PPP2R2B: variants seen among roughly 807,000 people sequenced by gnomAD.
PPP2R2B encodes serine/threonine-protein phosphatase 2A 55 kDa regulatory subunit B beta isoform.
Under a neutral mutation model 46.0 loss-of-function variants are expected in PPP2R2B, and 5 were observed. The ratio of observed to expected loss-of-function variants is 0.11; its 90% CI spans 0.06 to 0.23. The LOEUF (loss-of-function observed/expected upper bound fraction) is 0.23. PPP2R2B is among the 10% of genes least tolerant of loss of function. The pLI is 1.00. For synonymous variants in PPP2R2B, 215 were observed against 206.7 expected (o/e 1.04, Z -0.34); for missense variants, 367 against 575.0 (o/e 0.64, Z 3.70).
chr5:146,677,452 T>G (rs1216304146), intron 5 of PPP2R2B, among the ~76,000 whole-genome samples: 1 of 152,110 alleles, frequency 6.6e-6, no homozygotes, highest in East Asian at 1.9e-4. Context: ...TGTTTGCGGT[T>G]CAGGATTGCT....
intron 7 of PPP2R2B, among the ~76,000 whole-genome samples, chr5:146,635,030 A>C (rs193217829): frequency 9.8e-5 from 15 of 152,290 alleles, no homozygotes; most frequent in Non-Finnish European, 1.9e-4. Flanking sequence ...CAGGGTGAAT[A>C]ATTGTGATAA....
intron 2 of PPP2R2B, among the ~76,000 whole-genome samples, chr5:146,702,206 T>C (rs1779582667): frequency 6.6e-6 from 1 of 152,130 alleles, no homozygotes. Flanking sequence ...TGATCTCAAA[T>C]CTTACTTTTA....
rs145075065 is a variant in PPP2R2B, at chr5:146,635,815, T to C, written c.790+2436A>G. ...CACATTTATTAAATATTTCCTGACC[T>C]CTGCTTATGTGTCAGGGGTTCATAT... is the stretch of plus-strand genomic sequence containing the variant. On this transcript the variant is annotated intron_variant, in intron 7 of 9. Transcript: ENST00000394411. 7.2e-5 allele frequency among the ~76,000 whole-genome samples: 11 copies of C among 152,334 alleles called. No homozygotes were observed. In the East Asian group the frequency reaches 2.1e-3, roughly 29 times the overall value.
chr5:146,982,232 G>A (rs1489229308), intron 1 of PPP2R2B, among the ~76,000 whole-genome samples: 1 of 151,864 alleles, frequency 6.6e-6, no homozygotes, highest in Non-Finnish European at 1.5e-5. Flanking sequence ...TTCATTTGTT[G>A]CCAGGTCCCA....
chr5:146,690,175 T>A (rs987599506), intron 5 of PPP2R2B, among the ~76,000 whole-genome samples: 1 of 152,180 alleles, frequency 6.6e-6, no homozygotes, highest in Non-Finnish European at 1.5e-5. Context: ...TTTTACACAG[T>A]TTTACAAGGC....
intron 5 of PPP2R2B, among the ~76,000 whole-genome samples, chr5:146,667,993 A>G (rs757617755): frequency 1.3e-5 from 2 of 152,152 alleles, no homozygotes; most frequent in African/African-American, 2.4e-5. Flanking sequence ...TGGACATCCC[A>G]TATTCGTAAT....
At chr5:146,970,586 G>A (rs1417498933) in intron 1 of PPP2R2B, among the ~76,000 whole-genome samples, 1 of 151,732 alleles carries the variant, frequency 6.6e-6, no homozygotes, top group Non-Finnish European at 1.5e-5. Context: ...GGACAGAGGA[G>A]ACTCAGTCTC....
chr5:146,640,381 A>G (rs776482829), intron 6 of PPP2R2B, among the ~76,000 whole-genome samples: 1 of 152,206 alleles, frequency 6.6e-6, no homozygotes, highest in Non-Finnish European at 1.5e-5. Flanking sequence ...TATAAATATG[A>G]TTGCAGTTAG....
chr5:146,926,454 C>T (rs1196780698), intron 1 of PPP2R2B, among the ~76,000 whole-genome samples: 1 of 151,868 alleles, frequency 6.6e-6, no homozygotes, highest in Non-Finnish European at 1.5e-5. Context: ...TGCAGTGGTG[C>T]AATGTCAGCT....
intron 6 of PPP2R2B, among the ~76,000 whole-genome samples, chr5:146,646,693 G>C (rs891912911): frequency 1.3e-5 from 2 of 152,174 alleles, no homozygotes; most frequent in Non-Finnish European, 2.9e-5. Flanking sequence ...GTCTAGAATT[G>C]AAAAGACAAT....
intron 1 of PPP2R2B, among the ~76,000 whole-genome samples, chr5:147,005,404 A>G (rs1321648390): frequency 1.3e-5 from 2 of 152,204 alleles, no homozygotes; most frequent in Non-Finnish European, 2.9e-5. Flanking sequence ...AGGGAAAAAG[A>G]ATAAATGTGT....
At chr5:146,598,125 G>GC (rs1215250170) in intron 8 of PPP2R2B, among the ~76,000 whole-genome samples, 2 of 152,150 alleles carry the variant, frequency 1.3e-5, no homozygotes, top group Non-Finnish European at 2.9e-5. Flanking sequence ...CCCATCTTCA[G>GC]TTTCTTGAAC....
chr5:146,901,907 C>T (rs996568812), intron 1 of PPP2R2B, among the ~76,000 whole-genome samples: 4 of 151,926 alleles, frequency 2.6e-5, no homozygotes, highest in African/African-American at 9.7e-5. Flanking sequence ...GAAACTGTGC[C>T]AAAGTAAGTG....
chr5:146,981,897 C>T (rs568288944), intron 1 of PPP2R2B, among the ~76,000 whole-genome samples: 82 of 152,284 alleles, frequency 5.4e-4, no homozygotes, highest in Non-Finnish European at 1.1e-3. Flanking sequence ...TGACTCATAA[C>T]CTCTGTAGCA....
rs141366875 is a variant in PPP2R2B at position 146,638,785 on chromosome 5, G to A, written c.626-370C>T. 3.7e-3 allele frequency among the ~76,000 whole-genome samples: 561 copies of A among 152,224 alleles called. 4 individuals are homozygous for A. The highest frequency in any genetic ancestry group is 0.016 in the South Asian group (79 of 4,816). On this transcript the variant is annotated intron_variant, in intron 6 of 9. Coordinates refer to ENST00000394411, the MANE Select transcript of PPP2R2B (RefSeq NM_181675.4). ...ATTTTATAATAATGATTAAGGTACT[G>A]GTCCTATTATAACCAAATAATTCAT...
intron 2 of PPP2R2B, among the ~76,000 whole-genome samples, chr5:146,721,012 C>A (rs77579066): frequency 1.3e-5 from 2 of 152,156 alleles, no homozygotes; most frequent in African/African-American, 4.8e-5. Context: ...TTTAGAGAAA[C>A]AGATAATTTA....
At position 147,027,294 on chromosome 5, in the gene PPP2R2B, T is replaced by TAA. The variant is rs752125646; in HGVS notation, c.79+28370_79+28371insTT. ...AAATGTACTAAATACCACTGCATTG[T>TAA]TCATCTGAAAATGGTTAATTTTATG... On this transcript the variant is annotated intron_variant, in intron 1 of 8. Transcript: ENST00000336640. Among the ~76,000 whole-genome samples the TAA allele has an allele frequency of 0.011, 1,686 of 152,248 alleles. 87 individuals are homozygous for TAA. In the East Asian group the frequency reaches 0.17, roughly 16 times the overall value.
At chr5:146,902,016 G>T (rs990570963) in intron 1 of PPP2R2B, among the ~76,000 whole-genome samples, 2 of 152,142 alleles carry the variant, frequency 1.3e-5, no homozygotes, top group African/African-American at 4.8e-5. Flanking sequence ...TTCAAAGTGT[G>T]ATGAAAAAAT....
chr5:146,817,456 G>C (rs940598480), intron 2 of PPP2R2B, among the ~76,000 whole-genome samples: 2 of 152,312 alleles, frequency 1.3e-5, no homozygotes, highest in Admixed American at 1.3e-4. Flanking sequence ...ATAGTGTACA[G>C]TGTGATCTTT....
Sources: allele counts gnomAD v4.1 joint callset (sites outside exome capture counted in the v4.1 genomes callset), GRCh38; gene constraint gnomAD v4.1.1; transcripts MANE v1.5; gene names NCBI Gene and HGNC (gene_info 2026-07-23, HGNC 2026-07-21).